AGO3: variants seen among roughly 807,000 people sequenced by gnomAD.
The protein encoded by AGO3 is argonaute RISC catalytic component 3.
Under a neutral mutation model 105.5 loss-of-function variants are expected in AGO3, and 16 were observed. That is an observed-to-expected ratio of 0.15 (90% CI 0.10 to 0.23). The LOEUF (loss-of-function observed/expected upper bound fraction) is 0.23. Ranked by LOEUF, AGO3 falls within the 10% of genes least tolerant of loss-of-function variation. The probability of loss-of-function intolerance (pLI) is 1.00; values close to 1 mark genes in which losing one functional copy is unlikely to be tolerated. For missense variants in AGO3, 534 were observed against 1,088.0 expected, an observed-to-expected ratio of 0.49 and a Z score of 7.16; for synonymous variants, 340 against 367.3, an observed-to-expected ratio of 0.93 and a Z score of 0.85.
rs749076037 is a variant in AGO3, at chr1:36,063,001, G to T, written c.*7256G>T. The T allele has an allele frequency of 6.6e-6, 1 of 151,876 alleles. No homozygotes were observed. The highest frequency in any genetic ancestry group is 1.5e-5 in the Non-Finnish European group (1 of 67,948). 9.4% of individuals were successfully genotyped at this position (151,876 alleles called of 1,614,324 possible). On this transcript the variant is annotated 3_prime_UTR_variant, in exon 19 of 19. Transcript: ENST00000373191. ...ATGCAACTTTTATATTTTGCTTGTC[G>T]GTTTTAAGGTATTTTATTTTTATAG...
At chr1:36,025,882 A>T (rs1023418519) in intron 11 of AGO3, among the ~76,000 whole-genome samples, 2 of 152,066 alleles carry the variant, frequency 1.3e-5, no homozygotes, top group Non-Finnish European at 2.9e-5. Context: ...TACTAAAAAT[A>T]CAAAAATTAG....
At chr1:35,988,187 A>T (rs1647293357) in intron 5 of AGO3, among the ~76,000 whole-genome samples, 2 of 152,216 alleles carry the variant, frequency 1.3e-5, no homozygotes, top group South Asian at 4.1e-4. Flanking sequence ...AACAAGTAAA[A>T]GTTACATGTA....
At chr1:35,943,474 G>T (rs1646295639) in intron 1 of AGO3, among the ~76,000 whole-genome samples, 1 of 148,018 alleles carries the variant, frequency 6.8e-6, no homozygotes, top group African/African-American at 2.5e-5. Flanking sequence ...GCTAATTTTT[G>T]AATTTTAGTA....
At chr1:36,026,978 A>T in intron 11 of AGO3, 136 bp from the exon 12 acceptor site, 1 of 940,704 alleles carries the variant, frequency 1.1e-6, no homozygotes, top group Non-Finnish European at 1.6e-6. Context: ...TAACATCAGT[A>T]GTCTGGTGAC....
chr1:36,054,999 T>C lies in AGO3; in HGVS notation c.2328T>C (p.Thr776=). ...YHVLWDDNCF[T]ADELQLLTYQ... ...TTTTATGGGATGATAACTGCTTTAC[T>C]GCAGATGAACTTCAGCTGCTAACTT... Residue 776 remains threonine (T), a synonymous_variant, in exon 18 of 19, where the codon ACT becomes ACC. Coordinates refer to ENST00000373191, the MANE Select transcript of AGO3 (RefSeq NM_024852.4). 1 of 1,614,256 alleles carries C rather than the reference T, an allele frequency of 6.2e-7. No homozygotes were observed. The highest frequency in any genetic ancestry group is 8.5e-7 in the Non-Finnish European group (1 of 1,180,046).
rs567741222 is a variant in AGO3 at position 35,967,093 on chromosome 1, G to A, written c.312+18G>A. ...CTACAGGGGTAAGATATGCATTCCT[G>A]TATTGGAAAGGTATATTTTTGAAGT... On this transcript the variant is annotated intron_variant, in intron 3 of 18. Transcript: ENST00000373191. 110 of 1,596,506 alleles carry A rather than the reference G, an allele frequency of 6.9e-5. No individual in the cohort carries two copies. The South Asian group carries it at 1.1e-3, about 16-fold the overall frequency.
chr1:36,016,905 A>G (rs1228676475), intron 11 of AGO3, among the ~76,000 whole-genome samples: 1 of 150,728 alleles, frequency 6.6e-6, no homozygotes, highest in East Asian at 1.9e-4. Context: ...GGCCTCATGC[A>G]TGAGCTTAGT....
intron 2 of AGO3, among the ~76,000 whole-genome samples, chr1:35,966,014 A>G (rs1646768417): frequency 6.6e-6 from 1 of 151,832 alleles, no homozygotes; most frequent in Non-Finnish European, 1.5e-5. Context: ...TAGTAGAGAC[A>G]GGGTTTCTCC....
In AGO3 at chr1:36,063,356, T is replaced by C. The variant is rs1643047494; in HGVS notation, c.*7611T>C. ...GGAAACCTGTCAAATAAATAATTGTTACATGCCTTTTTTTTTTAAATTTAA... is the reference window on the plus strand; with the variant it reads ...GGAAACCTGTCAAATAAATAATTGTCACATGCCTTTTTTTTTTAAATTTAA... On this transcript the variant is annotated 3_prime_UTR_variant, in exon 19 of 19. Transcript: ENST00000373191. 1 of 152,176 alleles carries C rather than the reference T, an allele frequency of 6.6e-6. No individual in the cohort carries two copies. Among genetic ancestry groups the C allele is most frequent in the Non-Finnish European group, 1.5e-5 (1 of 68,028 alleles). 9.4% of individuals were successfully genotyped at this position (152,176 alleles called of 1,614,324 possible).
intron 5 of AGO3, among the ~76,000 whole-genome samples, chr1:35,985,245 G>A (rs1359527343): frequency 3.9e-5 from 6 of 152,140 alleles, no homozygotes; most frequent in African/African-American, 1.4e-4. Flanking sequence ...TCTCACCACT[G>A]TACTCCAGCC....
At chr1:35,970,880 C>T (rs532308143) in intron 3 of AGO3, among the ~76,000 whole-genome samples, 1 of 151,554 alleles carries the variant, frequency 6.6e-6, no homozygotes, top group African/African-American at 2.4e-5. Context: ...CAGGTGTGCA[C>T]CACCACACCT....
intron 3 of AGO3, among the ~76,000 whole-genome samples, chr1:35,971,546 G>C (rs1646871318): frequency 6.6e-6 from 1 of 151,130 alleles, no homozygotes; most frequent in Non-Finnish European, 1.5e-5. Context: ...GAATTGTTCT[G>C]TCCTTATTTT....
intron 6 of AGO3, chr1:36,005,583 A>G (rs1010884784): frequency 6.6e-6 from 2 of 301,658 alleles, no homozygotes; most frequent in Non-Finnish European, 9.7e-6. Flanking sequence ...TGCATTACCT[A>G]CCATTAATAT....
At chr1:35,998,064 A>G (rs749549156) in intron 5 of AGO3, among the ~76,000 whole-genome samples, 9 of 152,204 alleles carry the variant, frequency 5.9e-5, no homozygotes, top group Non-Finnish European at 1.3e-4. Flanking sequence ...TGACCTTAAT[A>G]CATTCAGAGA....
In AGO3 at chr1:36,008,951, T is replaced by C. The variant is rs749824128; in HGVS notation, c.936T>C (p.Tyr312=). 2.5e-5 allele frequency: 40 copies of C among 1,613,718 alleles called. No individual in the cohort carries two copies. Among genetic ancestry groups the C allele is most frequent in the Non-Finnish European group, 4.2e-6 (5 of 1,180,028 alleles). The part of the protein sequence containing the change: ...GQTVERTVAQ[Y]FREKYTLQLK... ...CTGTGGAGAGAACAGTAGCGCAGTA[T>C]TTCAGAGAAAAGTATACTCTTCAGC... Residue 312 remains tyrosine (Y), a synonymous_variant, in exon 8 of 19, where the codon TAT becomes TAC. Transcript: ENST00000373191. The surrounding 1 kb of genome is among the most constrained non-coding windows in gnomAD (Gnocchi z 5.1).
intron 3 of AGO3, among the ~76,000 whole-genome samples, chr1:35,971,745 T>G (rs961903868): frequency 6.6e-6 from 1 of 152,202 alleles, no homozygotes; most frequent in Non-Finnish European, 1.5e-5. Context: ...AGCTTGGAAA[T>G]TTATTCCATG....
At chr1:36,014,808 G>A (rs2148820467) in intron 11 of AGO3, among the ~76,000 whole-genome samples, 1 of 151,214 alleles carries the variant, frequency 6.6e-6, no homozygotes, top group South Asian at 2.1e-4. Flanking sequence ...ATAGTTCGGT[G>A]AAAAAATTTG....
rs1244575080 is a variant in AGO3, at chr1:36,040,334, C to T, written c.2065C>T (p.Arg689Ter). 1 of 1,613,368 alleles carries T rather than the reference C, an allele frequency of 6.2e-7. No individual in the cohort carries two copies. Among genetic ancestry groups the T allele is most frequent in the African/African-American group, 1.3e-5 (1 of 74,884 alleles). The change falls in exon 16 of 19, where the codon CGA (arginine) becomes TGA (stop). Residue 689 changes from arginine to a stop codon, truncating the protein, a stop_gained. Transcript: ENST00000373191. LOFTEE classifies it high-confidence loss of function. ...ATTATATTATGAACTACTAGCAATT[C>T]GAGAAGCCTGCATCAGTTTGGAGAA... is the stretch of plus-strand genomic sequence containing the variant. ...QVLYYELLAI[R>*]EACISLEKDY... is the part of the protein sequence containing the mutation.
At position 35,973,459 on chromosome 1, in the gene AGO3, A is replaced by G. The variant is rs1471667351; in HGVS notation, c.606A>G (p.Gly202=). 1 of 1,595,782 alleles carries G rather than the reference A, an allele frequency of 6.3e-7. No homozygotes were observed. Residue 202 remains glycine, a synonymous_variant, in exon 5 of 19, where the codon GGA becomes GGG. Transcript: ENST00000373191. ...PLGGGREVWF[G]FHQSVRPAMW... ...GAGGGGGCAGGGAAGTGTGGTTTGG[A>G]TTCCATCAGTCTGTTCGGCCTGCCA...
Sources: gnomAD v4.1 joint callset for allele counts (sites outside exome capture counted in the v4.1 genomes callset) on GRCh38, gnomAD v4.1.1 for gene constraint, Gnocchi (gnomAD v3.1) non-coding constraint, MANE v1.5 for transcripts, NCBI Gene and HGNC (gene_info 2026-07-23, HGNC 2026-07-21) for gene names.